ARHGAP4: variants seen among roughly 807,000 people sequenced by gnomAD.
ARHGAP4 encodes the protein Rho GTPase activating protein 4.
ARHGAP4 carries 25 observed loss-of-function variants against 67.6 expected under a neutral mutation model. The observed-to-expected ratio is 0.37, with a 90% CI of 0.27 to 0.52. The LOEUF (loss-of-function observed/expected upper bound fraction) is 0.52, where lower values mean the gene tolerates loss of function less well. Among genes scored for constraint, ARHGAP4 ranks in the 20% least tolerant of loss-of-function variants. ARHGAP4 has a pLI of 0.92. For missense variants in ARHGAP4, 804 were observed against 854.6 expected (o/e 0.94, Z 0.74); for synonymous variants, 448 against 373.7 (o/e 1.20, Z -2.29).
In ARHGAP4 at chrX:153,925,705, T is replaced by C. The variant is rs782570633; in HGVS notation, c.67+431A>G. Among the ~76,000 whole-genome samples, 289 of 111,853 alleles carry C rather than the reference T, an allele frequency of 2.6e-3. 1 individual carries two copies. The highest frequency in any genetic ancestry group is 9.1e-3 in the African/African-American group (281 of 30,762). On this transcript the variant is annotated intron_variant, in intron 1 of 21. Coordinates refer to ENST00000350060, the MANE Select transcript of ARHGAP4 (RefSeq NM_001666.5). ...GGTGCTGAAGCTCCAGGGACTGCAG[T>C]GGGGTTACGGCCAGGTGATCTCCAC...
At chrX:153,909,677 G>C in intron 19 of ARHGAP4, 64 bp downstream of exon 19, 1 of 1,114,190 alleles carries the variant, frequency 9.0e-7, no homozygotes, top group Non-Finnish European at 1.2e-6. Context: ...ACTTGGGGTC[G>C]GGGGAGGGGT....
chrX:153,913,100 A>G, intron 10 of ARHGAP4, 49 bp from the exon 11 acceptor site: 1 of 1,171,972 alleles, frequency 8.5e-7, no homozygotes, highest in Non-Finnish European at 1.1e-6. Flanking sequence ...GGGGTCTTCA[A>G]GGCATCCCAG....
At chrX:153,914,787 A>T (rs782737644) in intron 7 of ARHGAP4, among the ~76,000 whole-genome samples, 3 of 112,140 alleles carry the variant, frequency 2.7e-5, no homozygotes, top group African/African-American at 9.7e-5. Context: ...CAGGGAAAGG[A>T]GTGGACGGAA....
chrX:153,920,746 C>T lies in ARHGAP4; in HGVS notation c.561G>A (p.Glu187=). The T allele has an allele frequency of 8.2e-7, 1 of 1,212,202 alleles. No individual in the cohort carries two copies. The highest frequency in any genetic ancestry group is 1.1e-6 in the Non-Finnish European group (1 of 895,668). The stretch of plus-strand genomic sequence containing the variant: ...CCCGCTTCTCCTCCTGCCGCTCGGC[C>T]TCCCGGAGCTTGGCCTCGGCATTCA... ...ESVNAEAKLR[E]AERQEEKRAG... The change falls in exon 5 of 22, where the codon GAG becomes GAA. Residue 187 remains glutamate (E), a synonymous_variant. Transcript: ENST00000350060.
In ARHGAP4 at chrX:153,913,203, C is replaced by G; in HGVS notation, c.1411+15G>C. On this transcript the variant is annotated intron_variant, in intron 10 of 21. Transcript: ENST00000350060. ...GGCAGGGGAGAGGCGGGGAAGGGGGCAGCACTGGGCCCACCTCGCTGAAGG... is the reference window on the plus strand; with the variant it reads ...GGCAGGGGAGAGGCGGGGAAGGGGGGAGCACTGGGCCCACCTCGCTGAAGG... 1 of 1,165,924 alleles carries G rather than the reference C, an allele frequency of 8.6e-7. No homozygotes were observed. The highest frequency in any genetic ancestry group is 1.1e-6 in the Non-Finnish European group (1 of 872,378).
rs199899790 is a variant in ARHGAP4 at position 153,913,758 on chromosome X, C to G, written c.1134+20G>C. ...CTCCAGGCCCTCGTCTCCCTCTAAC[C>G]CCCGGTGGGCTGCCCAGACCTCCTC... On this transcript the variant is annotated intron_variant, in intron 8 of 21. Transcript: ENST00000350060. 7.5e-6 allele frequency: 9 copies of G among 1,206,445 alleles called. No individual in the cohort carries two copies. The African/African-American group carries it at 1.4e-4, about 19-fold the overall frequency.
chrX:153,925,071 T>G (rs970265595), intron 1 of ARHGAP4, among the ~76,000 whole-genome samples: 5 of 111,683 alleles, frequency 4.5e-5, no homozygotes, highest in Non-Finnish European at 7.5e-5. Context: ...TCCAAGTCTT[T>G]CAGCTTCATG....
chrX:153,922,184 G>A, intron 1 of ARHGAP4: 2 of 864,609 alleles, frequency 2.3e-6, no homozygotes, highest in Non-Finnish European at 2.8e-6. Flanking sequence ...GGTTTCCCCT[G>A]CGACTTCCTT....
chrX:153,907,683 G>A lies in ARHGAP4; in HGVS notation c.*46C>T. ...GCAAGGGGGCTGGGGAGAGTGGCCG[G>A]TCCAGCGGGTAGCCGCCGGGGGCAC... On this transcript the variant is annotated 3_prime_UTR_variant, in exon 22 of 22. Transcript: ENST00000350060. The A allele has an allele frequency of 1.4e-6, 1 of 711,200 alleles. No individual in the cohort carries two copies. Among genetic ancestry groups the A allele is most frequent in the Non-Finnish European group, 1.9e-6 (1 of 520,761 alleles). 58.6% of individuals were successfully genotyped at this position (711,200 alleles called of 1,213,427 possible).
intron 1 of ARHGAP4, among the ~76,000 whole-genome samples, chrX:153,925,034 C>T (rs2065118212): frequency 9.0e-6 from 1 of 111,638 alleles, no homozygotes; most frequent in Non-Finnish European, 1.9e-5. Flanking sequence ...TGTGAAATCA[C>T]TGACCCATAT....
chrX:153,909,213 C>A, intron 20 of ARHGAP4, 44 bp from the exon 21 acceptor site: 1 of 1,114,634 alleles, frequency 9.0e-7, no homozygotes, highest in East Asian at 3.2e-5. Context: ...TGGGAAGTCC[C>A]TGAGCTAGCT....
chrX:153,919,438 T>C, intron 5 of ARHGAP4, 155 bp from the exon 6 acceptor site: 1 of 1,128,218 alleles, frequency 8.9e-7, no homozygotes, highest in Non-Finnish European at 1.2e-6. Flanking sequence ...CACGCCACAG[T>C]CCACAGTGTG....
At position 153,907,685 on chromosome X, in the gene ARHGAP4, C is replaced by G. The variant is rs2064980338; in HGVS notation, c.*44G>C. 2.7e-6 allele frequency: 2 copies of G among 734,830 alleles called. No individual in the cohort carries two copies. The highest frequency in any genetic ancestry group is 3.7e-6 in the Non-Finnish European group (2 of 542,664). The allele number at this position is 734,830 out of a possible 1,213,427, so 60.6% of individuals were successfully genotyped here. The stretch of plus-strand genomic sequence containing the variant: ...AAGGGGGCTGGGGAGAGTGGCCGGT[C>G]CAGCGGGTAGCCGCCGGGGGCACGC... On this transcript the variant is annotated 3_prime_UTR_variant, in exon 22 of 22. Coordinates refer to ENST00000350060, the MANE Select transcript of ARHGAP4 (RefSeq NM_001666.5).
chrX:153,909,389 C>G, intron 20 of ARHGAP4, 54 bp downstream of exon 20: 1 of 1,100,658 alleles, frequency 9.1e-7, no homozygotes, highest in Non-Finnish European at 1.2e-6. Flanking sequence ...CCCCAGTCCC[C>G]TCTGGCCTAG....
intron 3 of ARHGAP4, 103 bp from the exon 4 acceptor site, chrX:153,921,262 C>T (rs782238304): frequency 5.1e-6 from 6 of 1,179,238 alleles, no homozygotes; most frequent in African/African-American, 1.8e-5. Context: ...CACACAGGTT[C>T]GCTCTGCCTG....
At chrX:153,920,124 C>A (rs1166075174) in intron 5 of ARHGAP4, among the ~76,000 whole-genome samples, 2 of 111,832 alleles carry the variant, frequency 1.8e-5, no homozygotes, top group Non-Finnish European at 3.8e-5. Context: ...GGAGACCTTC[C>A]CCCAACACAG....
chrX:153,912,641 C>T, intron 12 of ARHGAP4, 59 bp downstream of exon 12: 3 of 1,031,450 alleles, frequency 2.9e-6, no homozygotes, highest in Non-Finnish European at 4.0e-6. Flanking sequence ...TGAGGTGACC[C>T]AGAGCTGAAG....
intron 21 of ARHGAP4, 131 bp downstream of exon 21, chrX:153,908,939 G>A (rs1466010035): frequency 8.8e-5 from 56 of 639,754 alleles, no homozygotes; most frequent in Non-Finnish European, 1.2e-4. Flanking sequence ...TGTGTCTGGC[G>A]GCAGGTTCCC....
Position 153,907,818 on chromosome X carries a change from T to A in ARHGAP4, c.2752A>T (p.Asn918Tyr). The A allele has an allele frequency of 9.9e-7, 1 of 1,011,675 alleles. No individual in the cohort carries two copies. Among genetic ancestry groups the A allele is most frequent in the Non-Finnish European group, 1.3e-6 (1 of 789,014 alleles). The allele number at this position is 1,011,675 out of a possible 1,213,427, so 83.4% of individuals were successfully genotyped here. ...CCAGGGCCCCGGGAGAAGCCTTTGT[T>A]CCTGCCCAGGCGGCTGCTGGGCGGG... ...KAPPSSRLGR[N>Y]KGFSRGPGAP... The change falls in exon 22 of 22, where the codon AAC (asparagine) becomes TAC (tyrosine). Residue 918 changes from asparagine to tyrosine, a missense_variant. This residue lies in a region of ARHGAP4 where 400 missense variants were observed against 348.7 expected (regional missense o/e 1.15). Coordinates refer to ENST00000350060, the MANE Select transcript of ARHGAP4 (RefSeq NM_001666.5).
Sources: allele counts gnomAD v4.1 joint callset (sites outside exome capture counted in the v4.1 genomes callset), GRCh38; gene constraint gnomAD v4.1.1; regional missense constraint gnomAD v4.1.1; transcripts MANE v1.5; gene names NCBI Gene and HGNC (gene_info 2026-07-23, HGNC 2026-07-21).